FERMT1: variants seen among roughly 807,000 people sequenced by gnomAD.
FERMT1 encodes the protein fermitin family homolog 1.
FERMT1 carries 60 observed loss-of-function variants against 85.3 expected under a neutral mutation model. That is an observed-to-expected ratio of 0.70 (90% confidence interval 0.57 to 0.87). The LOEUF is 0.87. Ranked by LOEUF, FERMT1 falls within the 40% of genes least tolerant of loss-of-function variation. The pLI is 0.00. For synonymous variants in FERMT1, 275 were observed against 301.1 expected, an observed-to-expected ratio of 0.91 and a Z score of 0.90; for missense variants, 701 against 818.9, an observed-to-expected ratio of 0.86 and a Z score of 1.76.
rs1170960856 is a variant in FERMT1, at chr20:6,082,558, TG to T, written c.1718+1481del. 2.0e-5 allele frequency among the ~76,000 whole-genome samples: 3 copies of T among 152,294 alleles called. No homozygotes were observed. The South Asian group carries it at 6.2e-4, about 32-fold the overall frequency. The stretch of plus-strand genomic sequence containing the variant: ...ACTCCGCGCTTCCTCACTCCTTTGT[TG>T]GGGTAAGTAAAGCAGAAGGAGTTGC... On this transcript the variant is annotated intron_variant, in intron 13 of 14. Coordinates refer to ENST00000217289, the MANE Select transcript of FERMT1 (RefSeq NM_017671.5).
At chr20:6,077,692 T>G (rs966684191) in intron 14 of FERMT1, among the ~76,000 whole-genome samples, 2 of 151,996 alleles carry the variant, frequency 1.3e-5, no homozygotes, top group Non-Finnish European at 2.9e-5. Context: ...ATTTTTATTT[T>G]TTTTTTGAGA....
rs951350900 is a variant in FERMT1 at position 6,088,671 on chromosome 20, C to T, written c.1264+294G>A. On this transcript the variant is annotated intron_variant, in intron 10 of 14. Transcript: ENST00000217289. ...GGAGACAGAGTCTCACTCTATCACC[C>T]AGGCTGGAGTGCAGTGGCATCATCT... Among the ~76,000 whole-genome samples, 21 of 149,324 alleles carry T rather than the reference C, an allele frequency of 1.4e-4. No individual in the cohort carries two copies. Among genetic ancestry groups the T allele is most frequent in the Non-Finnish European group, 2.5e-4 (17 of 67,698 alleles).
Position 6,097,639 on chromosome 20 carries a change from C to T in FERMT1, c.850-8G>A, listed in dbSNP as rs1459952936. 6.3e-7 allele frequency: 1 copy of T among 1,580,442 alleles called. No homozygotes were observed. On this transcript the variant is annotated splice_polypyrimidine_tract_variant and splice_region_variant and intron_variant, in intron 6 of 14. Coordinates refer to ENST00000217289, the MANE Select transcript of FERMT1 (RefSeq NM_017671.5). ...TATTCGGACAGCATCATACTAGAGACAAAAACAGAGGTGTGTGTGTAATGA... is the reference window on the plus strand; with the variant it reads ...TATTCGGACAGCATCATACTAGAGATAAAAACAGAGGTGTGTGTGTAATGA...
rs1365346886 is a variant in FERMT1, at chr20:6,091,034, T to G, written c.1140-1945A>C. On this transcript the variant is annotated intron_variant, in intron 9 of 14. Coordinates refer to ENST00000217289, the MANE Select transcript of FERMT1 (RefSeq NM_017671.5). ...CAAAAATTAGCTGGCCGTGGTGGCG[T>G]GCACCTGTAGTCCCAGCTACCCGGA... Among the ~76,000 whole-genome samples the G allele has an allele frequency of 4.6e-5, 7 of 151,060 alleles. No individual in the cohort carries two copies. The East Asian group carries it at 1.4e-3, about 31-fold the overall frequency.
Position 6,112,612 on chromosome 20 carries a change from A to G in FERMT1, c.397T>C (p.Ser133Pro). 1 of 1,552,674 alleles carries G rather than the reference A, an allele frequency of 6.4e-7. No homozygotes were observed. The highest frequency in any genetic ancestry group is 1.2e-5 in the South Asian group (1 of 82,804). The change falls in exon 4 of 15, where the codon TCA becomes CCA. Residue 133 changes from serine (S) to proline (P), a missense_variant. Transcript: ENST00000217289. ...DICKILNIRR[S>P]EELSLLKPSG... ...GGCTTTAACAAGGAAAGCTCTTCTG[A>G]TCTTCTAATATCTAGAAATAAATAT... is the stretch of plus-strand genomic sequence containing the variant.
At chr20:6,091,917 C>T (rs1419515504) in intron 9 of FERMT1, among the ~76,000 whole-genome samples, 1 of 150,512 alleles carries the variant, frequency 6.6e-6, no homozygotes, top group Non-Finnish European at 1.5e-5. Context: ...GCGAGACAGG[C>T]TCTCCAGGCT....
rs571309333 is a variant in FERMT1, at chr20:6,101,802, G to A, written c.850-4171C>T. Among the ~76,000 whole-genome samples the A allele has an allele frequency of 7.2e-5, 11 of 152,086 alleles. No individual in the cohort carries two copies. The South Asian group carries it at 1.9e-3, about 26-fold the overall frequency. ...CGAGTAGCTGGGATTACACGAGCCCGCCTCCATGCTCCGCTAATTTTTTTT... is the reference window on the plus strand; with the variant it reads ...CGAGTAGCTGGGATTACACGAGCCCACCTCCATGCTCCGCTAATTTTTTTT... On this transcript the variant is annotated intron_variant, in intron 6 of 14. Coordinates refer to ENST00000217289, the MANE Select transcript of FERMT1 (RefSeq NM_017671.5).
intron 6 of FERMT1, among the ~76,000 whole-genome samples, chr20:6,100,142 T>G (rs1383853120): frequency 1.3e-5 from 2 of 152,146 alleles, no homozygotes; most frequent in Non-Finnish European, 2.9e-5. Flanking sequence ...CCCAAATGTA[T>G]ACATGAATAT....
intron 9 of FERMT1, among the ~76,000 whole-genome samples, chr20:6,090,900 G>A (rs374653218): frequency 3.9e-5 from 6 of 151,940 alleles, no homozygotes; most frequent in Non-Finnish European, 8.8e-5. Flanking sequence ...GCGGTGGCTC[G>A]TGTCTGTAAT....
chr20:6,088,922 C>G, intron 10 of FERMT1, 43 bp downstream of exon 10: 1 of 1,595,440 alleles, frequency 6.3e-7, no homozygotes. Context: ...CCGCGTCTGC[C>G]CTGACTTACG....
chr20:6,099,502 C>A (rs1252681717), intron 6 of FERMT1, among the ~76,000 whole-genome samples: 1 of 149,212 alleles, frequency 6.7e-6, no homozygotes, highest in East Asian at 2.0e-4. Context: ...TACAAAAAAA[C>A]AAATACTGGA....
chr20:6,111,434 C>A (rs553532685), intron 4 of FERMT1, among the ~76,000 whole-genome samples: 94 of 152,098 alleles, frequency 6.2e-4, no homozygotes, highest in Middle Eastern at 3.4e-3. Flanking sequence ...GAGTTTGAGA[C>A]CAGCCTGGCC....
intron 14 of FERMT1, among the ~76,000 whole-genome samples, chr20:6,078,707 C>T (rs370627843): frequency 1.3e-5 from 2 of 149,624 alleles, no homozygotes. Context: ...AGGCTGGTCT[C>T]GAACTCCCAG....
chr20:6,109,462 G>A (rs938973375), intron 5 of FERMT1, among the ~76,000 whole-genome samples: 1 of 152,216 alleles, frequency 6.6e-6, no homozygotes, highest in Non-Finnish European at 1.5e-5. Flanking sequence ...GATCTTCTAG[G>A]AAGGTGAATG....
intron 10 of FERMT1, 114 bp downstream of exon 10, chr20:6,088,851 T>G: frequency 1.0e-6 from 1 of 1,003,926 alleles, no homozygotes. Context: ...CTCGAACTCC[T>G]GACCTCAGGT....
At chr20:6,114,518 T>A (rs1056348760) in intron 3 of FERMT1, among the ~76,000 whole-genome samples, 1 of 152,250 alleles carries the variant, frequency 6.6e-6, no homozygotes, top group Non-Finnish European at 1.5e-5. Context: ...CTGTGGTGTA[T>A]GCAATATACT....
chr20:6,088,044 A>G (rs913511029), intron 10 of FERMT1, among the ~76,000 whole-genome samples, 161 bp from the exon 11 acceptor site: 1 of 152,260 alleles, frequency 6.6e-6, no homozygotes, highest in Non-Finnish European at 1.5e-5. Context: ...ATGGATAATT[A>G]GATAAATCTT....
At chr20:6,091,430 A>C (rs1982361344) in intron 9 of FERMT1, among the ~76,000 whole-genome samples, 1 of 151,692 alleles carries the variant, frequency 6.6e-6, no homozygotes. Context: ...GGGTTTCATC[A>C]TGTTGGCTAG....
chr20:6,097,900 C>T (rs1373377403), intron 6 of FERMT1, among the ~76,000 whole-genome samples: 2 of 151,704 alleles, frequency 1.3e-5, no homozygotes, highest in Admixed American at 1.3e-4. Context: ...CTGCAACGTC[C>T]GCCTCCTGGG....
Sources: allele counts gnomAD v4.1 joint callset (sites outside exome capture counted in the v4.1 genomes callset), GRCh38; gene constraint gnomAD v4.1.1; transcripts MANE v1.5; gene names NCBI Gene and HGNC (gene_info 2026-07-23, HGNC 2026-07-21).